OSBPL1A: variants seen among roughly 807,000 people sequenced by gnomAD.
The protein encoded by OSBPL1A is oxysterol binding protein like 1A, also known as oxysterol-binding protein-related protein 1.
In OSBPL1A, 80 loss-of-function variants were observed where a neutral mutation model predicts 137.1. That is an observed-to-expected ratio of 0.58 (90% CI 0.49 to 0.70). OSBPL1A has a LOEUF of 0.70. Ranked by LOEUF, OSBPL1A falls within the 30% of genes least tolerant of loss-of-function variation. OSBPL1A has a pLI of 0.00. For synonymous variants in OSBPL1A, 365 were observed against 389.7 expected (o/e 0.94, Z 0.75); for missense variants, 970 against 1,129.4 (o/e 0.86, Z 2.02).
At chr18:24,347,837 A>G (rs1237813462) in intron 4 of OSBPL1A, 5 of 113,570 alleles carry the variant, frequency 4.4e-5, no homozygotes. Context: ...GCGACACTCC[A>G]TCTGAAAAAA....
At chr18:24,225,610 C>G (rs1213767962) in intron 16 of OSBPL1A, among the ~76,000 whole-genome samples, 75 of 152,124 alleles carry the variant, frequency 4.9e-4, no homozygotes, top group African/African-American at 1.8e-3. Context: ...GCTAGCTGTC[C>G]TTATGAGAAG....
rs1177575963 is a variant in OSBPL1A at position 24,286,673 on chromosome 18, C to A, written c.1175-5725G>T. Among the ~76,000 whole-genome samples, 15 of 152,158 alleles carry A rather than the reference C, an allele frequency of 9.9e-5. No individual in the cohort carries two copies. The East Asian group carries it at 1.5e-3, about 16-fold the overall frequency. ...TGCACTTGAGTTGGATCTTAAAGAA[C>A]AAGGAACATTTTTGTATTGCTAAAT... On this transcript the variant is annotated intron_variant, in intron 14 of 27. Transcript: ENST00000319481.
At chr18:24,311,165 G>A (rs112064414) in intron 13 of OSBPL1A, among the ~76,000 whole-genome samples, 2,924 of 152,198 alleles carry the variant, frequency 0.019, 32 homozygotes, top group Non-Finnish European at 0.031. Context: ...TTAATGTAAA[G>A]GTCCCTAAGT....
intron 17 of OSBPL1A, among the ~76,000 whole-genome samples, chr18:24,212,801 G>C (rs1177436008): frequency 6.6e-6 from 1 of 152,076 alleles, no homozygotes; most frequent in Non-Finnish European, 1.5e-5. Flanking sequence ...TGAAATACTT[G>C]GCAAGTTTAA....
intron 16 of OSBPL1A, among the ~76,000 whole-genome samples, chr18:24,225,854 C>A (rs562682056): frequency 5.9e-5 from 9 of 152,132 alleles, no homozygotes; most frequent in Non-Finnish European, 1.2e-4. Flanking sequence ...CACCTGTAGT[C>A]CCAGCTACTG....
At chr18:24,288,654 G>A (rs1350678915) in intron 14 of OSBPL1A, among the ~76,000 whole-genome samples, 1 of 152,006 alleles carries the variant, frequency 6.6e-6, no homozygotes, top group Non-Finnish European at 1.5e-5. Flanking sequence ...TGTAATCCCA[G>A]CTACTTGGGA....
Position 24,239,352 on chromosome 18 carries a change from C to T in OSBPL1A, c.1312G>A (p.Glu438Lys). 6.2e-7 allele frequency: 1 copy of T among 1,613,886 alleles called. No individual in the cohort carries two copies. Among genetic ancestry groups the T allele is most frequent in the Non-Finnish European group, 8.5e-7 (1 of 1,179,908 alleles). Residue 438 changes from glutamate (E) to lysine (K), a missense_variant, in exon 16 of 28, where the codon GAA becomes AAA. Coordinates refer to ENST00000319481, the MANE Select transcript of OSBPL1A (RefSeq NM_080597.4). The stretch of plus-strand genomic sequence containing the variant: ...GCTTCTGACAAGATTTTGTTTTTTT[C>T]TTGCTCTTGTTCCAATTTAAAATTC... ...VRNFKLEQEQ[E>K]KNKILSEALE...
intron 15 of OSBPL1A, among the ~76,000 whole-genome samples, chr18:24,244,711 T>C (rs143298049): frequency 1.1e-4 from 16 of 152,308 alleles, no homozygotes; most frequent in African/African-American, 3.1e-4. Context: ...GCAAAATCCA[T>C]AGTGGCTATT....
intron 5 of OSBPL1A, among the ~76,000 whole-genome samples, chr18:24,340,917 A>G (rs1358048581): frequency 6.6e-6 from 1 of 152,144 alleles, no homozygotes; most frequent in African/African-American, 2.4e-5. Flanking sequence ...TCAGTCTATT[A>G]GCCACATTCC....
At chr18:24,176,220 G>A (rs898818240) in intron 21 of OSBPL1A, among the ~76,000 whole-genome samples, 8 of 152,162 alleles carry the variant, frequency 5.3e-5, no homozygotes, top group Non-Finnish European at 1.0e-4. Context: ...GATTTGGACT[G>A]TGCTCATACA....
intron 17 of OSBPL1A, among the ~76,000 whole-genome samples, chr18:24,219,852 G>A (rs1278138422): frequency 2.6e-5 from 4 of 152,180 alleles, no homozygotes; most frequent in Non-Finnish European, 4.4e-5. Context: ...TAATTCTCAT[G>A]AATCTAGACT....
At chr18:24,395,452 C>A (rs1380404528) in intron 1 of OSBPL1A, among the ~76,000 whole-genome samples, 33 of 151,610 alleles carry the variant, frequency 2.2e-4, no homozygotes, top group Admixed American at 1.8e-3. Context: ...ACAGATGTAT[C>A]TCTGAGTAAA....
intron 4 of OSBPL1A, among the ~76,000 whole-genome samples, chr18:24,353,144 G>A (rs2091472632): frequency 6.6e-6 from 1 of 152,114 alleles, no homozygotes; most frequent in South Asian, 2.1e-4. Flanking sequence ...TACAAAATGG[G>A]AGAAGATTTT....
At chr18:24,245,780 A>C (rs1599555825) in intron 15 of OSBPL1A, among the ~76,000 whole-genome samples, 2 of 152,314 alleles carry the variant, frequency 1.3e-5, no homozygotes, top group Admixed American at 6.5e-5. Flanking sequence ...ATTCAATTTC[A>C]GAGTTTTCAT....
intron 14 of OSBPL1A, among the ~76,000 whole-genome samples, chr18:24,298,635 G>A (rs557820412): frequency 1.3e-4 from 20 of 152,284 alleles, no homozygotes; most frequent in African/African-American, 3.8e-4. Flanking sequence ...ATGAGCCACC[G>A]CGCCTGGCCG....
In OSBPL1A at chr18:24,178,215, A is replaced by T; in HGVS notation, c.1911-20T>A. ...TCATCTCTTAAGATTTAAAAAAAAA[A>T]AAAAAGAAAAAAAAAAGCAACATTA... On this transcript the variant is annotated intron_variant, in intron 20 of 27. Coordinates refer to ENST00000319481, the MANE Select transcript of OSBPL1A (RefSeq NM_080597.4). 6.6e-7 allele frequency: 1 copy of T among 1,521,532 alleles called. No homozygotes were observed. Among genetic ancestry groups the T allele is most frequent in the Non-Finnish European group, 8.8e-7 (1 of 1,131,562 alleles). 94.3% of individuals were successfully genotyped at this position (1,521,532 alleles called of 1,614,324 possible).
In OSBPL1A at chr18:24,328,227, T is replaced by G. The variant is rs1028801001; in HGVS notation, c.625+4715A>C. Reference sequence around the variant, plus strand: ...CCGGCTAATTTTTTGTATTTTTTTTTTTTTTTTTTTTTTTTTTTTTAGTAG... The same window carrying G: ...CCGGCTAATTTTTTGTATTTTTTTTGTTTTTTTTTTTTTTTTTTTTAGTAG... On this transcript the variant is annotated intron_variant, in intron 7 of 27. Coordinates refer to ENST00000319481, the MANE Select transcript of OSBPL1A (RefSeq NM_080597.4). 3.6e-5 allele frequency among the ~76,000 whole-genome samples: 4 copies of G among 112,510 alleles called. No individual in the cohort carries two copies. In the South Asian group the frequency reaches 9.6e-4, roughly 27 times the overall value. The allele number at this position is 112,510 out of a possible 152,430, so 73.8% of individuals were successfully genotyped here. A position where few individuals can be genotyped will look rare whatever the true frequency, so the allele number is the denominator to read the frequency against.
intron 21 of OSBPL1A, among the ~76,000 whole-genome samples, chr18:24,175,842 T>TA (rs1168992152): frequency 6.6e-6 from 1 of 152,252 alleles, no homozygotes; most frequent in Non-Finnish European, 1.5e-5. Context: ...GTTCATTTTT[T>TA]AACATATAGA....
intron 1 of OSBPL1A, among the ~76,000 whole-genome samples, chr18:24,384,880 A>G (rs1568068941): frequency 6.6e-6 from 1 of 151,880 alleles, no homozygotes; most frequent in African/African-American, 2.4e-5. Context: ...CTCGGAAAAA[A>G]AAAAAAGAAA....
Sources: gnomAD v4.1 joint callset for allele counts (sites outside exome capture counted in the v4.1 genomes callset) on GRCh38, gnomAD v4.1.1 for gene constraint, MANE v1.5 for transcripts, NCBI Gene and HGNC (gene_info 2026-07-23, HGNC 2026-07-21) for gene names.